The following STS variants were observed in gnomAD, a reference collection of about 807,000 sequenced individuals.
STS encodes steroid sulfatase.
STS carries 7 observed loss-of-function variants against 26.8 expected under a neutral mutation model. The observed-to-expected ratio is 0.26, with a 90% CI of 0.15 to 0.49. The LOEUF is 0.49. Among genes scored for constraint, STS ranks in the 20% least tolerant of loss-of-function variants. The probability of loss-of-function intolerance (pLI) is 0.98; values close to 1 mark genes in which losing one functional copy is unlikely to be tolerated. For missense variants in STS, 434 were observed against 465.6 expected, an observed-to-expected ratio of 0.93 and a Z score of 0.63; for synonymous variants, 199 against 189.4, an observed-to-expected ratio of 1.05 and a Z score of -0.42.
At chrX:7,207,505 T>G (rs1920958980) in intron 2 of STS, among the ~76,000 whole-genome samples, 1 of 111,688 alleles carries the variant, frequency 9.0e-6, no homozygotes, top group African/African-American at 3.3e-5. Flanking sequence ...AAGTTTAGAG[T>G]TTTCCATATT....
At chrX:7,222,528 C>CAAAAAAA (rs770658761) in intron 2 of STS, among the ~76,000 whole-genome samples, 1 of 39,409 alleles carries the variant, frequency 2.5e-5, no homozygotes, top group Non-Finnish European at 4.4e-5. Flanking sequence ...CCCTCAGCTG[C>CAAAAAAA]AAAAAAAAAA....
Position 7,265,082 on chromosome X carries a change from A to G in STS, c.806+5310A>G, listed in dbSNP as rs1923941695. On this transcript the variant is annotated intron_variant, in intron 6 of 10. Coordinates refer to ENST00000674429, the MANE Select transcript of STS (RefSeq NM_001320752.2). ...GAACTAATTAATTTCATGATGTATCAATGGGTCACAGTCTACATGATTGAC... is the reference window on the plus strand; with the variant it reads ...GAACTAATTAATTTCATGATGTATCGATGGGTCACAGTCTACATGATTGAC... Among the ~76,000 whole-genome samples, 3 of 108,654 alleles carry G rather than the reference A, an allele frequency of 2.8e-5. No individual in the cohort carries two copies. The South Asian group carries it at 1.3e-3, about 46-fold the overall frequency. 94.4% of individuals were successfully genotyped at this position (108,654 alleles called of 115,157 possible). A position where few individuals can be genotyped will look rare whatever the true frequency, so the allele number is the denominator to read the frequency against.
chrX:7,205,885 G>A (rs749415413), intron 2 of STS, among the ~76,000 whole-genome samples: 6 of 107,171 alleles, frequency 5.6e-5, no homozygotes, highest in Non-Finnish European at 7.7e-5. Context: ...CAACATGCTG[G>A]GATTACAGGT....
At chrX:7,274,681 A>G (rs1471558245) in intron 6 of STS, among the ~76,000 whole-genome samples, 1 of 112,255 alleles carries the variant, frequency 8.9e-6, no homozygotes, top group Non-Finnish European at 1.9e-5. Flanking sequence ...ACTCTTGAGT[A>G]TCTGTGCATT....
chrX:7,210,375 G>A (rs745573636), intron 2 of STS, among the ~76,000 whole-genome samples: 24 of 109,849 alleles, frequency 2.2e-4, no homozygotes, highest in Non-Finnish European at 3.8e-4. Context: ...CTGATGATCA[G>A]AGAATATGCA....
At chrX:7,235,895 A>C (rs748658742) in intron 2 of STS, among the ~76,000 whole-genome samples, 24 of 112,270 alleles carry the variant, frequency 2.1e-4, no homozygotes, top group Non-Finnish European at 3.6e-4. Flanking sequence ...GGTTCCTTTT[A>C]CCTTGTTTTA....
rs147901003 is a variant in STS, at chrX:7,321,170, G to A, written c.1082-4169G>A. Among the ~76,000 whole-genome samples the A allele has an allele frequency of 2.1e-4, 24 of 111,831 alleles. No homozygotes were observed. The East Asian group carries it at 6.5e-3, about 30-fold the overall frequency. On this transcript the variant is annotated intron_variant, in intron 8 of 10. Transcript: ENST00000674429. ...CACTATCCTAAAAGAATTAATGCACGAACCTAAAACCAAATTCTGCATGTT... is the reference window on the plus strand; with the variant it reads ...CACTATCCTAAAAGAATTAATGCACAAACCTAAAACCAAATTCTGCATGTT...
At chrX:7,219,539 C>T in intron 2 of STS, 1 of 1,192,279 alleles carries the variant, frequency 8.4e-7, no homozygotes, top group Non-Finnish European at 1.1e-6. Flanking sequence ...TGGCCTGCTT[C>T]AAAGCAGAGG....
At chrX:7,338,861 A>T (rs1262443675) in intron 10 of STS, among the ~76,000 whole-genome samples, 1 of 111,847 alleles carries the variant, frequency 8.9e-6, no homozygotes, top group African/African-American at 3.2e-5. Flanking sequence ...CTGAAAATAC[A>T]TACATTGAAT....
At chrX:7,279,973 A>G (rs988361705) in intron 7 of STS, among the ~76,000 whole-genome samples, 2 of 111,869 alleles carry the variant, frequency 1.8e-5, no homozygotes, top group Admixed American at 9.5e-5. Context: ...TACAGAATTC[A>G]TAATGGGTGA....
At chrX:7,168,600 G>A (rs1933397930) in intron 1 of STS, among the ~76,000 whole-genome samples, 1 of 111,453 alleles carries the variant, frequency 9.0e-6, no homozygotes, top group African/African-American at 3.3e-5. Flanking sequence ...CCTGCACACA[G>A]GGAATCCCAT....
intron 8 of STS, among the ~76,000 whole-genome samples, chrX:7,324,946 C>T (rs1366352868): frequency 9.9e-5 from 11 of 111,463 alleles, no homozygotes; most frequent in Admixed American, 4.8e-4. Flanking sequence ...CTCCAGGCTC[C>T]AGGAATTTGG....
intron 7 of STS, among the ~76,000 whole-genome samples, chrX:7,291,379 A>G (rs1306454521): frequency 8.9e-6 from 1 of 111,917 alleles, no homozygotes; most frequent in Non-Finnish European, 1.9e-5. Context: ...TTTCTTTACA[A>G]CAGGATTCTG....
At chrX:7,276,125 A>C in intron 7 of STS, 38 bp downstream of exon 7, 2 of 1,202,799 alleles carry the variant, frequency 1.7e-6, no homozygotes, top group Non-Finnish European at 2.2e-6. Flanking sequence ...AAAGCTGCTA[A>C]GTCTTTGCCT....
intron 2 of STS, among the ~76,000 whole-genome samples, chrX:7,224,156 T>C (rs1364894350): frequency 4.5e-5 from 5 of 111,801 alleles, no homozygotes; most frequent in Non-Finnish European, 1.9e-5. Flanking sequence ...GATCTGATCT[T>C]TTCACTTAAA....
intron 9 of STS, among the ~76,000 whole-genome samples, chrX:7,330,882 C>T (rs1415834244): frequency 8.9e-6 from 1 of 111,843 alleles, no homozygotes; most frequent in Non-Finnish European, 1.9e-5. Context: ...CTTAAGATTC[C>T]CTTTAATTTA....
intron 2 of STS, among the ~76,000 whole-genome samples, chrX:7,222,071 GA>G (rs1254979005): frequency 9.0e-6 from 1 of 111,387 alleles, no homozygotes. Context: ...ACCATGTGAG[GA>G]CACATCAGGA....
At chrX:7,341,306 T>A (rs1187402019) in intron 10 of STS, among the ~76,000 whole-genome samples, 1 of 111,496 alleles carries the variant, frequency 9.0e-6, no homozygotes, top group Non-Finnish European at 1.9e-5. Context: ...TGTGCCCCCA[T>A]GCACTGAGTC....
chrX:7,192,754 G>A (rs1379152188), intron 2 of STS, among the ~76,000 whole-genome samples: 1 of 111,694 alleles, frequency 9.0e-6, no homozygotes, highest in African/African-American at 3.3e-5. Flanking sequence ...ACGGATGGTA[G>A]TAGTTATGTG....
Sources: allele counts gnomAD v4.1 joint callset (sites outside exome capture counted in the v4.1 genomes callset), GRCh38; gene constraint gnomAD v4.1.1; transcripts MANE v1.5; gene names NCBI Gene and HGNC (gene_info 2026-07-23, HGNC 2026-07-21).